Variants in NKAIN3 observed in about 807,000 individuals in gnomAD.
NKAIN3 encodes sodium/potassium transporting ATPase interacting 3, also known as sodium/potassium-transporting ATPase subunit beta-1-interacting protein 3.
A neutral mutation model predicts 30.2 loss-of-function variants in NKAIN3; 25 were observed. The ratio of observed to expected loss-of-function variants is 0.83; its 90% CI spans 0.60 to 1.16. The LOEUF (loss-of-function observed/expected upper bound fraction) is 1.16. Among genes scored for constraint, NKAIN3 ranks in the 50% most tolerant of loss-of-function variants. The pLI is 0.00. For missense variants in NKAIN3, 225 were observed against 254.1 expected (o/e 0.89, Z 0.78); for synonymous variants, 91 against 89.6 (o/e 1.02, Z -0.09).
At chr8:62,338,131 C>T (rs1815627740) in intron 1 of NKAIN3, among the ~76,000 whole-genome samples, 1 of 151,774 alleles carries the variant, frequency 6.6e-6, no homozygotes, top group Admixed American at 6.6e-5. Context: ...TTGAAGTAGC[C>T]ATAAAACCTT....
chr8:62,800,429 T>C (rs372912986), intron 4 of NKAIN3, among the ~76,000 whole-genome samples: 1 of 152,124 alleles, frequency 6.6e-6, no homozygotes, highest in East Asian at 1.9e-4. Context: ...TTATCTGCTG[T>C]GATGGAATTC....
chr8:62,918,522 T>C lies in NKAIN3; in HGVS notation c.532+9T>C. 6.3e-7 allele frequency: 1 copy of C among 1,597,506 alleles called. No individual in the cohort carries two copies. Among genetic ancestry groups the C allele is most frequent in the Non-Finnish European group, 8.6e-7 (1 of 1,165,180 alleles). ...GGAAGAAGAAGACACATGTAAGTACTGTTTTCTCTCTCCCTGTGGGTTCCT... is the reference window on the plus strand; with the variant it reads ...GGAAGAAGAAGACACATGTAAGTACCGTTTTCTCTCTCCCTGTGGGTTCCT... On this transcript the variant is annotated intron_variant, in intron 5 of 6. Transcript: ENST00000623646.
intron 1 of NKAIN3, among the ~76,000 whole-genome samples, chr8:62,441,282 G>A (rs78563758): frequency 0.014 from 2,188 of 151,974 alleles, 39 homozygotes; most frequent in African/African-American, 0.05. Context: ...TTTTCGGTAT[G>A]CCTTCATATC....
At chr8:62,545,373 GC>G (rs1808971661) in intron 1 of NKAIN3, among the ~76,000 whole-genome samples, 2 of 152,180 alleles carry the variant, frequency 1.3e-5, no homozygotes, top group East Asian at 3.9e-4. Context: ...ATCATTTGAG[GC>G]CAGGAGTTCA....
intron 6 of NKAIN3, among the ~76,000 whole-genome samples, chr8:62,956,370 C>G (rs1313193608): frequency 6.6e-6 from 1 of 152,132 alleles, no homozygotes; most frequent in Admixed American, 6.6e-5. Flanking sequence ...TCAGAAGAAT[C>G]CTTAGCATAT....
chr8:62,469,327 T>C (rs1327297445), intron 1 of NKAIN3, among the ~76,000 whole-genome samples: 1 of 152,192 alleles, frequency 6.6e-6, no homozygotes, highest in Non-Finnish European at 1.5e-5. Context: ...AAACAATGTA[T>C]GAAACAGTTA....
intron 5 of NKAIN3, among the ~76,000 whole-genome samples, chr8:62,995,858 C>A (rs1418417936): frequency 1.0e-5 from 1 of 98,772 alleles, no homozygotes; most frequent in Non-Finnish European, 2.1e-5. Flanking sequence ...GGTACCCAAA[C>A]AGCAGCATCA....
At chr8:62,470,280 A>G (rs2129599967) in intron 1 of NKAIN3, among the ~76,000 whole-genome samples, 1 of 152,290 alleles carries the variant, frequency 6.6e-6, no homozygotes, top group African/African-American at 2.4e-5. Flanking sequence ...TGGAAATTCC[A>G]GTATGCATAC....
chr8:62,909,264 T>C (rs1413543038), intron 4 of NKAIN3, among the ~76,000 whole-genome samples: 2 of 152,052 alleles, frequency 1.3e-5, no homozygotes, highest in Non-Finnish European at 2.9e-5. Context: ...TAACAAAAAG[T>C]GGAGTTAGAA....
intron 4 of NKAIN3, among the ~76,000 whole-genome samples, chr8:62,771,749 G>A (rs577689315): frequency 6.6e-6 from 1 of 152,124 alleles, no homozygotes; most frequent in East Asian, 1.9e-4. Context: ...TGAAAATCAA[G>A]GAGAAATTCT....
intron 4 of NKAIN3, among the ~76,000 whole-genome samples, chr8:62,875,613 G>C (rs1334522992): frequency 2.6e-5 from 4 of 152,152 alleles, no homozygotes; most frequent in African/African-American, 4.8e-5. Context: ...CATAGTCCTG[G>C]TACCAAAACA....
At chr8:62,547,149 A>G (rs1045677693) in intron 1 of NKAIN3, among the ~76,000 whole-genome samples, 1 of 152,202 alleles carries the variant, frequency 6.6e-6, no homozygotes, top group Non-Finnish European at 1.5e-5. Flanking sequence ...CTATGATCAA[A>G]TAAATTTTAA....
intron 1 of NKAIN3, among the ~76,000 whole-genome samples, chr8:62,286,773 G>A (rs1018077093): frequency 6.6e-6 from 1 of 152,076 alleles, no homozygotes; most frequent in African/African-American, 2.4e-5. Flanking sequence ...CTGGACAGAA[G>A]CCAGTTCATT....
intron 5 of NKAIN3, among the ~76,000 whole-genome samples, chr8:62,920,442 G>A (rs993825102): frequency 2.6e-5 from 4 of 152,136 alleles, no homozygotes; most frequent in African/African-American, 9.7e-5. Flanking sequence ...TGAGACTTGT[G>A]GTTTAAGCAA....
At chr8:62,499,850 C>G (rs1807366873) in intron 1 of NKAIN3, among the ~76,000 whole-genome samples, 1 of 151,770 alleles carries the variant, frequency 6.6e-6, no homozygotes, top group Admixed American at 6.6e-5. Context: ...TTCTTTCCTT[C>G]TTCTCTCTTT....
intron 1 of NKAIN3, among the ~76,000 whole-genome samples, chr8:62,530,070 A>G (rs866826644): frequency 6.6e-5 from 10 of 152,134 alleles, no homozygotes; most frequent in Admixed American, 1.3e-4. Flanking sequence ...CCTTACAATA[A>G]GGTCATAGAA....
intron 1 of NKAIN3, among the ~76,000 whole-genome samples, chr8:62,509,540 T>A (rs1585888601): frequency 6.6e-6 from 1 of 152,094 alleles, no homozygotes; most frequent in Non-Finnish European, 1.5e-5. Context: ...AATGCGGCAG[T>A]GGTTTCATTC....
chr8:62,955,082 A>G (rs1173302105), intron 6 of NKAIN3, among the ~76,000 whole-genome samples: 1 of 152,164 alleles, frequency 6.6e-6, no homozygotes, highest in Non-Finnish European at 1.5e-5. Context: ...TCCCTCACCC[A>G]GCATATGTGA....
chr8:62,891,409 G>A (rs1371663515), intron 4 of NKAIN3, among the ~76,000 whole-genome samples: 1 of 152,172 alleles, frequency 6.6e-6, no homozygotes, highest in Non-Finnish European at 1.5e-5. Flanking sequence ...TGCACTATCA[G>A]CTTCTCTACT....
Sources: gnomAD v4.1 joint callset for allele counts (sites outside exome capture counted in the v4.1 genomes callset) on GRCh38, gnomAD v4.1.1 for gene constraint, MANE v1.5 for transcripts, NCBI Gene and HGNC (gene_info 2026-07-23, HGNC 2026-07-21) for gene names.